DNAH14: variants seen among roughly 807,000 people sequenced by gnomAD.
DNAH14 encodes dynein axonemal heavy chain 14.
Under a neutral mutation model 520.9 loss-of-function variants are expected in DNAH14, and 478 were observed. The observed-to-expected ratio is 0.92, with a 90% CI of 0.85 to 0.99. DNAH14 has a LOEUF of 0.99. Ranked by LOEUF, DNAH14 falls within the 50% of genes least tolerant of loss-of-function variation. The probability of loss-of-function intolerance (pLI) is 0.00; values close to 1 mark genes in which losing one functional copy is unlikely to be tolerated. For synonymous variants in DNAH14, 1,581 were observed against 1,757.2 expected, an observed-to-expected ratio of 0.90 and a Z score of 2.51; for missense variants, 4,831 against 5,234.5, an observed-to-expected ratio of 0.92 and a Z score of 2.38.
At chr1:225,205,722 G>A (rs1293684874) in intron 39 of DNAH14, among the ~76,000 whole-genome samples, 1 of 151,962 alleles carries the variant, frequency 6.6e-6, no homozygotes, top group Admixed American at 6.6e-5. Flanking sequence ...AAATTGTAAG[G>A]GTTAATTATC....
intron 61 of DNAH14, among the ~76,000 whole-genome samples, chr1:225,318,958 T>C (rs1332775357): frequency 6.6e-6 from 1 of 152,212 alleles, no homozygotes; most frequent in Non-Finnish European, 1.5e-5. Context: ...ATGTGCTGTT[T>C]GTTATAAACT....
intron 8 of DNAH14, among the ~76,000 whole-genome samples, chr1:224,990,495 C>A (rs1260085564): frequency 2.0e-5 from 3 of 152,148 alleles, no homozygotes; most frequent in African/African-American, 7.2e-5. Context: ...GTGGTAAACA[C>A]CATCCTACTC....
intron 52 of DNAH14, among the ~76,000 whole-genome samples, chr1:225,274,197 A>ATTTTTT (rs869247051): frequency 5.4e-4 from 50 of 92,880 alleles, no homozygotes; most frequent in Non-Finnish European, 7.1e-4. Flanking sequence ...AGCATCTGTT[A>ATTTTTT]TTTTTTTTTT....
intron 17 of DNAH14, among the ~76,000 whole-genome samples, chr1:225,052,360 T>C (rs1042352252): frequency 6.6e-6 from 1 of 152,196 alleles, no homozygotes; most frequent in Non-Finnish European, 1.5e-5. Context: ...ATTAGTTATT[T>C]CTACCTATCA....
At position 225,227,504 on chromosome 1, in the gene DNAH14, C is replaced by T. The variant is rs144992063; in HGVS notation, c.6440-3569C>T. ...AGCATCTCAAGGCAGAAAAATTTTTCTTAGTACAGATCAAAATGAAGTTTC... is the reference window on the plus strand; with the variant it reads ...AGCATCTCAAGGCAGAAAAATTTTTTTTAGTACAGATCAAAATGAAGTTTC... On this transcript the variant is annotated intron_variant, in intron 41 of 85. Coordinates refer to ENST00000682510, the MANE Select transcript of DNAH14 (RefSeq NM_001367479.1). Among the ~76,000 whole-genome samples the T allele has an allele frequency of 9.7e-4, 147 of 152,272 alleles. 2 individuals carry two copies. In the South Asian group the frequency reaches 0.013, roughly 13 times the overall value.
intron 23 of DNAH14, 107 bp from the exon 24 acceptor site, chr1:225,117,577 T>C: frequency 1.5e-6 from 1 of 664,710 alleles, no homozygotes; most frequent in Non-Finnish European, 2.5e-6. Flanking sequence ...ATATATACCA[T>C]AACTAATATT....
Position 225,346,004 on chromosome 1 carries a change from A to T in DNAH14, c.10721A>T (p.Lys3574Ile). The change falls in exon 70 of 86, where the codon AAA (lysine) becomes ATA (isoleucine). Residue 3574 changes from lysine to isoleucine, a missense_variant. Lys to Ile is a moderately radical substitution (Grantham distance 102). Transcript: ENST00000682510. ...GACAAAATTGTAGATACCTTAAGAAAATCCAAAATGACATCAAACGAAATT... is the reference window on the plus strand; with the variant it reads ...GACAAAATTGTAGATACCTTAAGAATATCCAAAATGACATCAAACGAAATT... ...DDDKIVDTLRKSKMTSNEISK... is the reference protein window; with the variant it reads ...DDDKIVDTLRISKMTSNEISK... The T allele has an allele frequency of 1.3e-6, 2 of 1,551,452 alleles. No homozygotes were observed. The highest frequency in any genetic ancestry group is 2.4e-5 in the East Asian group (1 of 40,914).
intron 21 of DNAH14, among the ~76,000 whole-genome samples, chr1:225,089,301 G>T (rs970212897): frequency 6.6e-6 from 1 of 151,886 alleles, no homozygotes. Flanking sequence ...AAAATTAGCT[G>T]GGTGTGGTGG....
At chr1:224,997,872 C>T (rs977912159) in intron 8 of DNAH14, among the ~76,000 whole-genome samples, 3 of 151,806 alleles carry the variant, frequency 2.0e-5, no homozygotes, top group Admixed American at 6.6e-5. Flanking sequence ...AGTAAACTAT[C>T]GCAAGGACAA....
Position 225,085,749 on chromosome 1 carries a change from T to C in DNAH14, c.3533T>C (p.Leu1178Pro). Reference protein sequence around the residue: ...SAQLEESQVILATIKGSPHIG... With the variant: ...SAQLEESQVIPATIKGSPHIG... Reference sequence around the variant, plus strand: ...CAGTTAGAAGAGTCTCAAGTCATACTTGCAACAATTAAAGGATCTCCCCAC... The same window carrying C: ...CAGTTAGAAGAGTCTCAAGTCATACCTGCAACAATTAAAGGATCTCCCCAC... The change falls in exon 21 of 86, where the codon CTT becomes CCT. Residue 1178 changes from leucine to proline, a missense_variant. Leu to Pro is a moderately conservative substitution (Grantham distance 98). Transcript: ENST00000682510. The C allele has an allele frequency of 6.4e-7, 1 of 1,551,200 alleles. No individual in the cohort carries two copies. Among genetic ancestry groups the C allele is most frequent in the South Asian group, 1.2e-5 (1 of 83,756 alleles).
At chr1:225,063,793 C>G (rs1004649599) in intron 17 of DNAH14, among the ~76,000 whole-genome samples, 1 of 150,546 alleles carries the variant, frequency 6.6e-6, no homozygotes, top group Admixed American at 6.6e-5. Context: ...GAGGAGCGCT[C>G]AATGAAATCC....
chr1:225,218,362 TC>T (rs2089653324), intron 41 of DNAH14, among the ~76,000 whole-genome samples: 1 of 151,938 alleles, frequency 6.6e-6, no homozygotes, highest in Admixed American at 6.6e-5. Flanking sequence ...ACAGACTGGC[TC>T]ATTGGATAAA....
intron 57 of DNAH14, 99 bp from the exon 58 acceptor site, chr1:225,304,809 A>T (rs2094208021): frequency 1.8e-6 from 2 of 1,128,802 alleles, no homozygotes; most frequent in African/African-American, 3.2e-5. Flanking sequence ...ACATCTCAGA[A>T]ATAATAAGCT....
At chr1:225,047,726 A>G (rs981843938) in intron 15 of DNAH14, among the ~76,000 whole-genome samples, 2 of 152,242 alleles carry the variant, frequency 1.3e-5, no homozygotes, top group African/African-American at 4.8e-5. Flanking sequence ...CAACTAAAAT[A>G]CAGTGTTTGT....
At chr1:225,375,490 G>A (rs538489514) in intron 78 of DNAH14, among the ~76,000 whole-genome samples, 1 of 152,342 alleles carries the variant, frequency 6.6e-6, no homozygotes, top group African/African-American at 2.4e-5. Context: ...AAAGGAAGAC[G>A]ACAGCTGTGG....
intron 17 of DNAH14, 34 bp downstream of exon 17, chr1:225,051,829 T>A: frequency 7.3e-7 from 1 of 1,368,380 alleles, no homozygotes; most frequent in Non-Finnish European, 9.7e-7. Flanking sequence ...TGTGTAAGAA[T>A]GTTTCAGATT....
At chr1:225,125,715 G>A (rs1474370916) in intron 27 of DNAH14, among the ~76,000 whole-genome samples, 1 of 152,152 alleles carries the variant, frequency 6.6e-6, no homozygotes, top group African/African-American at 2.4e-5. Context: ...CCATTAGTGT[G>A]TTCACAGGAG....
At chr1:225,093,580 G>A (rs1479085309) in intron 21 of DNAH14, among the ~76,000 whole-genome samples, 1 of 152,024 alleles carries the variant, frequency 6.6e-6, no homozygotes, top group African/African-American at 2.4e-5. Context: ...AAGAAGACAA[G>A]GATGCCATCT....
At chr1:225,311,980 A>G (rs1211307370) in intron 60 of DNAH14, among the ~76,000 whole-genome samples, 1 of 152,124 alleles carries the variant, frequency 6.6e-6, no homozygotes, top group Non-Finnish European at 1.5e-5. Context: ...AATTCTGTGA[A>G]AAAAAGTCAA....
Sources: allele counts gnomAD v4.1 joint callset (sites outside exome capture counted in the v4.1 genomes callset), GRCh38; gene constraint gnomAD v4.1.1; transcripts MANE v1.5; gene names NCBI Gene and HGNC (gene_info 2026-07-23, HGNC 2026-07-21).